The following BID variants were observed in gnomAD, a reference collection of about 807,000 sequenced individuals.
BID encodes the protein BH3 interacting domain death agonist.
Under a neutral mutation model 17.4 loss-of-function variants are expected in BID, and 19 were observed. That is an observed-to-expected ratio of 1.09 (90% CI 0.76 to 1.60). The LOEUF is 1.60. Ranked by LOEUF, BID falls within the 40% of genes most tolerant of loss-of-function variation. BID has a pLI of 0.00. For missense variants in BID, 226 were observed against 256.0 expected, an observed-to-expected ratio of 0.88 and a Z score of 0.80; for synonymous variants, 108 against 102.8, an observed-to-expected ratio of 1.05 and a Z score of -0.31.
In BID at chr22:17,735,008, T is replaced by G. The variant is rs1023318068; in HGVS notation, c.*572A>C. On this transcript the variant is annotated 3_prime_UTR_variant, in exon 6 of 6. Coordinates refer to ENST00000622694, the MANE Select transcript of BID (RefSeq NM_001196.4). Reference sequence around the variant, plus strand: ...CCATCATTTGAGTGCAGCACTTTAGTTCAGAATCTCTGTGCCATGTGGTTT... The same window carrying G: ...CCATCATTTGAGTGCAGCACTTTAGGTCAGAATCTCTGTGCCATGTGGTTT... 2 of 152,594 alleles carry G rather than the reference T, an allele frequency of 1.3e-5. No individual in the cohort carries two copies. Among genetic ancestry groups the G allele is most frequent in the African/African-American group, 4.8e-5 (2 of 41,434 alleles). The allele number at this position is 152,594 out of a possible 1,614,324, so 9.5% of individuals were successfully genotyped here. A position where few individuals can be genotyped will look rare whatever the true frequency, so the allele number is the denominator to read the frequency against.
chr22:17,742,660 C>T (rs891668872), intron 3 of BID, among the ~76,000 whole-genome samples: 2 of 152,186 alleles, frequency 1.3e-5, no homozygotes, highest in African/African-American at 4.8e-5. Context: ...TCCCTGCAGG[C>T]TTTCAGGGCA....
chr22:17,759,909 G>A (rs1351717374), intron 1 of BID, among the ~76,000 whole-genome samples: 1 of 151,892 alleles, frequency 6.6e-6, no homozygotes. Context: ...TTGGGAGGCC[G>A]AAGCGGGTGG....
Position 17,769,507 on chromosome 22 carries a change from A to T in BID, c.-59+4874T>A, listed in dbSNP as rs5992822. Among the ~76,000 whole-genome samples the T allele has an allele frequency of 1.6e-3, 245 of 152,336 alleles. No homozygotes were observed. The highest frequency in any genetic ancestry group is 2.7e-3 in the Admixed American group (42 of 15,306). ...TGGGTAAACAGGAACGGACGTGGCC[A>T]TCAGGCCGGAAGGGTGTGTGGGCCA... On this transcript the variant is annotated intron_variant, in intron 1 of 5. Transcript: ENST00000622694. This position sits in a 1 kb window ranked among gnomAD's most constrained non-coding sequence, Gnocchi z 4.8.
At chr22:17,774,006 C>A in intron 1 of BID, 1 of 461,906 alleles carries the variant, frequency 2.2e-6, no homozygotes, top group Non-Finnish European at 3.9e-6. Flanking sequence ...GCCAGGCCCG[C>A]GGGTTTTCTC....
Position 17,737,911 on chromosome 22 carries a change from C to T in BID, c.576+106G>A, listed in dbSNP as rs8190337. 8.8e-4 allele frequency: 1,057 copies of T among 1,197,456 alleles called. 1 individual carries two copies. The highest frequency in any genetic ancestry group is 1.1e-3 in the Non-Finnish European group (916 of 814,798). The allele number at this position is 1,197,456 out of a possible 1,614,324, so 74.2% of individuals were successfully genotyped here. ...CAAACCCGAGCAGGACAGCCTGTAA[C>T]CCTTGTGCTGGCATCAGAGGCAGGG... On this transcript the variant is annotated intron_variant, in intron 5 of 5. Transcript: ENST00000622694.
rs59718611 is a variant in BID at position 17,757,474 on chromosome 22, C to T, written c.-58-7300G>A. 4.4e-3 allele frequency among the ~76,000 whole-genome samples: 664 copies of T among 150,014 alleles called. 4 individuals are homozygous for T. The highest frequency in any genetic ancestry group is 0.014 in the African/African-American group (574 of 40,614). On this transcript the variant is annotated intron_variant, in intron 1 of 5. Coordinates refer to ENST00000622694, the MANE Select transcript of BID (RefSeq NM_001196.4). ...CTGTAATCTCAGCACTTTGGGAGGC[C>T]GAGGCGGGCGGATCACAAGGTCAGG...
intron 2 of BID, 71 bp downstream of exon 2, chr22:17,750,033 TG>T: frequency 6.9e-7 from 1 of 1,443,938 alleles, no homozygotes; most frequent in Non-Finnish European, 9.6e-7. Flanking sequence ...GGATGCGTGG[TG>T]GGGGACACGC....
In BID at chr22:17,738,093, A is replaced by G. The variant is rs778228540; in HGVS notation, c.500T>C (p.Leu167Pro). The G allele has an allele frequency of 3.0e-5, 49 of 1,614,072 alleles. No homozygotes were observed. The highest frequency in any genetic ancestry group is 3.1e-5 in the Non-Finnish European group (36 of 1,180,052). ...CACTGTTGTGTGAAAGACATCACGG[A>G]GCAAGGACGGCGTGTGACTGGCCAC... ...KKVASHTPSL[L>P]RDVFHTTVNF... is the part of the protein sequence containing the mutation. Residue 167 changes from leucine to proline, a missense_variant, in exon 5 of 6, where the codon CTC becomes CCC. Physicochemically the swap from Leu to Pro is moderately conservative, Grantham distance 98 (BLOSUM62 -3). Coordinates refer to ENST00000622694, the MANE Select transcript of BID (RefSeq NM_001196.4).
intron 2 of BID, among the ~76,000 whole-genome samples, chr22:17,744,915 G>A (rs1362897621): frequency 2.0e-5 from 3 of 152,176 alleles, no homozygotes; most frequent in Non-Finnish European, 4.4e-5. Flanking sequence ...AAGACCTCCT[G>A]GGCTGCCAGA....
chr22:17,735,194 A>AAAC lies in BID; in HGVS notation c.*383_*385dup, dbSNP rs1379638858. Reference sequence around the variant, plus strand: ...CCATCCTCTATGGTTGTACTTTAATAAACAGTAATTTTTTTTTACCAAAAA... The same window carrying AAAC: ...CCATCCTCTATGGTTGTACTTTAATAAACAACAGTAATTTTTTTTTACCAAAAA... On this transcript the variant is annotated 3_prime_UTR_variant, in exon 6 of 6. Transcript: ENST00000622694. 1 of 220,226 alleles carries AAAC rather than the reference A, an allele frequency of 4.5e-6. No homozygotes were observed. Among genetic ancestry groups the AAAC allele is most frequent in the Admixed American group, 5.3e-5 (1 of 18,944 alleles). The allele number at this position is 220,226 out of a possible 1,614,324, so 13.6% of individuals were successfully genotyped here. A position where few individuals can be genotyped will look rare whatever the true frequency, so the allele number is the denominator to read the frequency against.
intron 1 of BID, among the ~76,000 whole-genome samples, chr22:17,757,662 T>C (rs1047272683): frequency 7.0e-6 from 1 of 142,276 alleles, no homozygotes; most frequent in Non-Finnish European, 1.5e-5. Context: ...TGAGCCAAGA[T>C]AGCGCCACTG....
At position 17,745,799 on chromosome 22, in the gene BID, C is replaced by A. The variant is rs2061491388; in HGVS notation, c.13-1786G>T. Among the ~76,000 whole-genome samples the A allele has an allele frequency of 2.0e-5, 3 of 152,066 alleles. No homozygotes were observed. In the South Asian group the frequency reaches 6.2e-4, roughly 32 times the overall value. On this transcript the variant is annotated intron_variant, in intron 2 of 5. Coordinates refer to ENST00000622694, the MANE Select transcript of BID (RefSeq NM_001196.4). ...TGGCCAACATGATGAAACCTTGTCT[C>A]TACTAAAAATACAAAAATTAGCCGG...
At chr22:17,737,051 T>G (rs1601832014) in intron 5 of BID, among the ~76,000 whole-genome samples, 1 of 152,156 alleles carries the variant, frequency 6.6e-6, no homozygotes, top group Non-Finnish European at 1.5e-5. Context: ...ATGATCCGCC[T>G]GCCTTGGCCT....
intron 1 of BID, among the ~76,000 whole-genome samples, chr22:17,754,599 C>T (rs747540059): frequency 2.0e-5 from 3 of 152,324 alleles, no homozygotes; most frequent in African/African-American, 4.8e-5. Flanking sequence ...ATGGGTCACA[C>T]GGGGACAAGC....
At chr22:17,744,931 G>A (rs2061485674) in intron 2 of BID, among the ~76,000 whole-genome samples, 1 of 152,206 alleles carries the variant, frequency 6.6e-6, no homozygotes, top group Non-Finnish European at 1.5e-5. Context: ...CCAGAGAAGG[G>A]TGGGAGGGAA....
chr22:17,740,931 GCCCTGTACCTAGCT>G (rs1884811613), intron 3 of BID: 1 of 152,174 alleles, frequency 6.6e-6, no homozygotes, highest in South Asian at 2.1e-4. Flanking sequence ...GAATGAATGG[GCCCTGTACCTAGCT>G]CCCAGTAAGT....
At chr22:17,774,662 A>G (rs1371634835), upstream of BID, 3 of 151,798 alleles carry the variant, frequency 2.0e-5, no homozygotes. Flanking sequence ...TGTTTCAGAC[A>G]GTGTCGTCCA....
chr22:17,767,970 C>T (rs145358995), intron 1 of BID, among the ~76,000 whole-genome samples: 16 of 152,356 alleles, frequency 1.1e-4, no homozygotes, highest in African/African-American at 3.6e-4. Context: ...CCTACTGTAA[C>T]ATGAGTTACA....
At chr22:17,774,469 TA>T, upstream of BID, 1 of 285,058 alleles carries the variant, frequency 3.5e-6, no homozygotes, top group Non-Finnish European at 7.4e-6. Context: ...GCTTCCTCCT[TA>T]TGGCGCCCCG....
Sources: gnomAD v4.1 joint callset for allele counts (sites outside exome capture counted in the v4.1 genomes callset) on GRCh38, gnomAD v4.1.1 for gene constraint, Gnocchi (gnomAD v3.1) non-coding constraint, MANE v1.5 for transcripts, NCBI Gene and HGNC (gene_info 2026-07-23, HGNC 2026-07-21) for gene names.